Variants in ADGRL4 observed in about 807,000 individuals in gnomAD.
ADGRL4 encodes the protein EGF, latrophilin and seven transmembrane domain containing 1.
A neutral mutation model predicts 74.8 loss-of-function variants in ADGRL4; 90 were observed. The observed-to-expected ratio is 1.20, with a 90% CI of 1.02 to 1.43. The LOEUF is 1.43. Among genes scored for constraint, ADGRL4 ranks in the 40% most tolerant of loss-of-function variants. ADGRL4 has a pLI of 0.00. For missense variants in ADGRL4, 881 were observed against 814.3 expected, an observed-to-expected ratio of 1.08 and a Z score of -1.00; for synonymous variants, 311 against 279.2, an observed-to-expected ratio of 1.11 and a Z score of -1.14.
intron 2 of ADGRL4, among the ~76,000 whole-genome samples, chr1:78,971,750 TTTGTTGTTTTTG>T (rs144941029): frequency 0.09 from 13,632 of 152,066 alleles, 821 homozygotes; most frequent in East Asian, 0.35. Flanking sequence ...CATTGCAGGA[TTTGTTGTTTTTG>T]TTGTTGTTTT....
Position 78,958,847 on chromosome 1 carries a change from A to G in ADGRL4, c.173-12421T>C, listed in dbSNP as rs112126368. ...TACAGGGAAATCTTTTGTGACAGGAAGAGACAATCCAAGTGGAAAATTTCA... is the reference window on the plus strand; with the variant it reads ...TACAGGGAAATCTTTTGTGACAGGAGGAGACAATCCAAGTGGAAAATTTCA... On this transcript the variant is annotated intron_variant, in intron 2 of 14. Coordinates refer to ENST00000370742, the MANE Select transcript of ADGRL4 (RefSeq NM_022159.4). Among the ~76,000 whole-genome samples, 22 of 152,332 alleles carry G rather than the reference A, an allele frequency of 1.4e-4. 1 individual carries two copies. The highest frequency in any genetic ancestry group is 5.3e-4 in the African/African-American group (22 of 41,586).
intron 2 of ADGRL4, among the ~76,000 whole-genome samples, chr1:78,962,678 A>G (rs1649979139): frequency 6.6e-6 from 1 of 152,166 alleles, no homozygotes; most frequent in South Asian, 2.1e-4. Context: ...ATTTTGTTTC[A>G]TATATAGAGA....
chr1:78,940,627 C>T (rs1649456587), intron 3 of ADGRL4, among the ~76,000 whole-genome samples: 1 of 152,010 alleles, frequency 6.6e-6, no homozygotes, highest in Admixed American at 6.5e-5. Flanking sequence ...GTTTCTACCC[C>T]AGGTTTGACG....
intron 8 of ADGRL4, 41 bp from the exon 9 acceptor site, chr1:78,921,827 T>C: frequency 2.6e-6 from 3 of 1,171,858 alleles, no homozygotes; most frequent in African/African-American, 3.2e-5. Context: ...AGAGAAAAAG[T>C]TACATACATA....
chr1:78,916,252 A>G (rs1047199607), intron 12 of ADGRL4, among the ~76,000 whole-genome samples: 1 of 151,906 alleles, frequency 6.6e-6, no homozygotes, highest in Non-Finnish European at 1.5e-5. Context: ...TTGTTTTAAT[A>G]TAATTTCTAT....
In ADGRL4 at chr1:78,889,928, T is replaced by A. The variant is rs1043402405; in HGVS notation, c.*1226A>T. The A allele has an allele frequency of 9.4e-5, 36 of 380,960 alleles. No homozygotes were observed. Among genetic ancestry groups the A allele is most frequent in the African/African-American group, 7.5e-4 (35 of 46,380 alleles). The allele number at this position is 380,960 out of a possible 1,614,324, so 23.6% of individuals were successfully genotyped here. On this transcript the variant is annotated 3_prime_UTR_variant, in exon 15 of 15. Coordinates refer to ENST00000370742, the MANE Select transcript of ADGRL4 (RefSeq NM_022159.4). ...AGATCAAAATCACTGCTTATACATT[T>A]TAATGAGAAGATTTAAAGACAGATA...
intron 8 of ADGRL4, among the ~76,000 whole-genome samples, chr1:78,923,842 TG>T (rs1216063228): frequency 1.3e-5 from 2 of 150,694 alleles, no homozygotes; most frequent in Non-Finnish European, 2.9e-5. Context: ...GAAGCTCTGC[TG>T]GGAAGTCTCA....
chr1:78,970,312 A>G (rs539561928), intron 2 of ADGRL4, among the ~76,000 whole-genome samples: 1 of 152,242 alleles, frequency 6.6e-6, no homozygotes, highest in African/African-American at 2.4e-5. Context: ...GCAGGTAAGC[A>G]TGGCTAATTA....
intron 2 of ADGRL4, among the ~76,000 whole-genome samples, chr1:78,995,341 G>GA (rs1381170743): frequency 2.6e-5 from 4 of 152,080 alleles, no homozygotes; most frequent in Non-Finnish European, 5.9e-5. Context: ...AGAAAATATG[G>GA]AAAAAACGCT....
At chr1:78,995,588 G>A (rs1650697142) in intron 2 of ADGRL4, among the ~76,000 whole-genome samples, 1 of 152,210 alleles carries the variant, frequency 6.6e-6, no homozygotes, top group Non-Finnish European at 1.5e-5. Context: ...GAGCTTACAG[G>A]CAAGAGATCA....
At chr1:79,001,507 T>A (rs2026448) in intron 2 of ADGRL4, among the ~76,000 whole-genome samples, 110,166 of 152,048 alleles carry the variant, frequency 0.72, 40,080 homozygotes, top group Middle Eastern at 0.79. Context: ...CCTGAAGCAG[T>A]TAGTTTTGAT....
intron 12 of ADGRL4, among the ~76,000 whole-genome samples, chr1:78,913,768 C>T (rs1434122853): frequency 6.6e-6 from 1 of 151,738 alleles, no homozygotes. Context: ...TACCCTTGAA[C>T]TTAAAATAAA....
chr1:78,976,797 A>C (rs1468909829), intron 2 of ADGRL4, among the ~76,000 whole-genome samples: 1 of 119,382 alleles, frequency 8.4e-6, no homozygotes, highest in African/African-American at 3.2e-5. Flanking sequence ...GCCTTCCAAG[A>C]AAAAAAAAAA....
intron 2 of ADGRL4, among the ~76,000 whole-genome samples, chr1:78,960,343 C>T (rs556217254): frequency 1.2e-4 from 19 of 152,010 alleles, no homozygotes; most frequent in Non-Finnish European, 2.4e-4. Flanking sequence ...CTAAAATTAT[C>T]ACACAAACAA....
chr1:78,911,177 T>A (rs1241014089), intron 12 of ADGRL4, among the ~76,000 whole-genome samples: 1 of 151,856 alleles, frequency 6.6e-6, no homozygotes, highest in East Asian at 1.9e-4. Context: ...AGTCTGTAAT[T>A]CTTACTCTAG....
Position 78,946,356 on chromosome 1 carries a change from A to G in ADGRL4, c.243T>C (p.Ser81=), listed in dbSNP as rs117741748. ...AGCCAGGTACACACATACAATAATA[A>G]CTTCCTTCTGTGTTAGTGCAATTAG... ...ENANCTNTEG[S]YYCMCVPGFR... is the part of the protein sequence containing the mutation. The change falls in exon 3 of 15, where the codon AGT becomes AGC. Residue 81 remains serine (S), a synonymous_variant. Transcript: ENST00000370742. The G allele has an allele frequency of 4.7e-4, 763 of 1,613,266 alleles. 3 individuals are homozygous for G. In the East Asian group the frequency reaches 0.017, roughly 35 times the overall value.
chr1:78,906,569 T>C (rs148546190), intron 12 of ADGRL4, among the ~76,000 whole-genome samples: 3 of 152,050 alleles, frequency 2.0e-5, no homozygotes, highest in African/African-American at 7.2e-5. Context: ...TGAAGAGCAT[T>C]TACAACAATG....
rs564947552 is a variant in ADGRL4 at position 78,935,846 on chromosome 1, G to A, written c.877+449C>T. Among the ~76,000 whole-genome samples the A allele has an allele frequency of 3.9e-4, 9 of 23,004 alleles. 3 individuals carry two copies. Among genetic ancestry groups the A allele is most frequent in the African/African-American group, 5.3e-4 (5 of 9,438 alleles). 15.1% of individuals were successfully genotyped at this position (23,004 alleles called of 152,430 possible). A position where few individuals can be genotyped will look rare whatever the true frequency, so the allele number is the denominator to read the frequency against. ...AGTAAGAATATGGATATTCTGGGCCGGGCGCGGTGGCTCACGCTTGTAATC... is the reference window on the plus strand; with the variant it reads ...AGTAAGAATATGGATATTCTGGGCCAGGCGCGGTGGCTCACGCTTGTAATC... On this transcript the variant is annotated intron_variant, in intron 7 of 14. Transcript: ENST00000370742.
intron 2 of ADGRL4, among the ~76,000 whole-genome samples, chr1:78,979,046 GA>G (rs1240573646): frequency 6.6e-6 from 1 of 151,840 alleles, no homozygotes. Context: ...ATTAAACCAG[GA>G]AAATATCACA....
Sources: allele counts gnomAD v4.1 joint callset (sites outside exome capture counted in the v4.1 genomes callset), GRCh38; gene constraint gnomAD v4.1.1; transcripts MANE v1.5; gene names NCBI Gene and HGNC (gene_info 2026-07-23, HGNC 2026-07-21).